The following DRC11 variants were observed in gnomAD, a reference collection of about 807,000 sequenced individuals.
The protein encoded by DRC11 is dynein regulatory complex subunit 11.
the DRC11 span, among the ~76,000 whole-genome samples, chr2:236,394,148 G>A: frequency 1.3e-4 from 20 of 152,254 alleles, 1 homozygote; most frequent in East Asian, 3.1e-3. This position sits in a 1 kb window ranked among gnomAD's most constrained non-coding sequence, Gnocchi z 7.0. Flanking sequence ...CCCTCGAGGG[G>A]AGAGGATAAT....
At chr2:236,506,006 T>G in the DRC11 span, among the ~76,000 whole-genome samples, 3 of 152,208 alleles carry the variant, frequency 2.0e-5, no homozygotes, top group Non-Finnish European at 4.4e-5. The surrounding 1 kb of genome is among the most constrained non-coding windows in gnomAD (Gnocchi z 4.9). Context: ...TCTTTCTATC[T>G]CATCATACCA....
the DRC11 span, among the ~76,000 whole-genome samples, chr2:236,485,199 G>A: frequency 2.0e-5 from 3 of 151,902 alleles, no homozygotes; most frequent in Non-Finnish European, 4.4e-5. Flanking sequence ...GCTAGTGCCT[G>A]TGGTCACTGT....
At chr2:236,475,732 T>G in the DRC11 span, among the ~76,000 whole-genome samples, 1 of 152,162 alleles carries the variant, frequency 6.6e-6, no homozygotes, top group African/African-American at 2.4e-5. The surrounding 1 kb of genome is among the most constrained non-coding windows in gnomAD (Gnocchi z 4.8). Flanking sequence ...ATAATGTACT[T>G]TGATTTGATT....
At chr2:236,346,373 T>C in the DRC11 span, among the ~76,000 whole-genome samples, 1 of 152,184 alleles carries the variant, frequency 6.6e-6, no homozygotes, top group African/African-American at 2.4e-5. Context: ...CAGATAACAA[T>C]GAACCATTGT....
the DRC11 span, chr2:236,377,198 C>T: frequency 1.3e-5 from 21 of 1,565,108 alleles, no homozygotes; most frequent in African/African-American, 2.4e-4. The surrounding 1 kb of genome is among the most constrained non-coding windows in gnomAD (Gnocchi z 4.9). Flanking sequence ...GGGGAGAAAG[C>T]AGAGTGTCTG....
At chr2:236,357,685 A>T in the DRC11 span, among the ~76,000 whole-genome samples, 5 of 87,836 alleles carry the variant, frequency 5.7e-5, no homozygotes, top group African/African-American at 1.6e-4. Flanking sequence ...TATATTTACA[A>T]TATGTAAATA....
chr2:236,384,380 C>T, the DRC11 span, among the ~76,000 whole-genome samples: 2 of 152,194 alleles, frequency 1.3e-5, no homozygotes, highest in Admixed American at 6.5e-5. Context: ...GATGGTATCT[C>T]ATTGTGGTTT....
the DRC11 span, among the ~76,000 whole-genome samples, chr2:236,353,494 T>G: frequency 7.2e-5 from 11 of 152,314 alleles, 1 homozygote; most frequent in South Asian, 2.3e-3. The surrounding 1 kb of genome is among the most constrained non-coding windows in gnomAD (Gnocchi z 5.0). Flanking sequence ...TGTTTCGGCA[T>G]GCATGGGTTA....
chr2:236,455,451 A>G, the DRC11 span, among the ~76,000 whole-genome samples: 1 of 152,214 alleles, frequency 6.6e-6, no homozygotes, highest in Admixed American at 6.5e-5. This position sits in a 1 kb window ranked among gnomAD's most constrained non-coding sequence, Gnocchi z 5.7. Flanking sequence ...AGTCGTGACT[A>G]GTGATGGGAG....
the DRC11 span, among the ~76,000 whole-genome samples, chr2:236,453,644 ATT>A: frequency 6.8e-6 from 1 of 146,252 alleles, no homozygotes; most frequent in Non-Finnish European, 1.5e-5. This position sits in a 1 kb window ranked among gnomAD's most constrained non-coding sequence, Gnocchi z 4.9. Flanking sequence ...ACCAATTTTA[ATT>A]TTTTTTTTTT....
At chr2:236,420,482 G>C in the DRC11 span, among the ~76,000 whole-genome samples, 1 of 152,194 alleles carries the variant, frequency 6.6e-6, no homozygotes, top group Non-Finnish European at 1.5e-5. This position sits in a 1 kb window ranked among gnomAD's most constrained non-coding sequence, Gnocchi z 4.8. Flanking sequence ...TGCCTTTGAA[G>C]ATGGAGCAAT....
chr2:236,401,656 T>G, the DRC11 span, among the ~76,000 whole-genome samples: 1 of 151,690 alleles, frequency 6.6e-6, no homozygotes, highest in African/African-American at 2.4e-5. This position sits in a 1 kb window ranked among gnomAD's most constrained non-coding sequence, Gnocchi z 4.6. Context: ...GCTGAGAGCG[T>G]GAAGTCAGAA....
the DRC11 span, among the ~76,000 whole-genome samples, chr2:236,459,645 GTATA>G: frequency 8.7e-5 from 12 of 138,074 alleles, no homozygotes; most frequent in Admixed American, 1.4e-4. Flanking sequence ...ACGTATATAC[GTATA>G]TATGTATATA....
chr2:236,311,005 C>T, the DRC11 span, among the ~76,000 whole-genome samples: 2 of 152,214 alleles, frequency 1.3e-5, no homozygotes, highest in Admixed American at 1.3e-4. The surrounding 1 kb of genome is among the most constrained non-coding windows in gnomAD (Gnocchi z 6.9). Flanking sequence ...CAAGAGGGAG[C>T]TATCATGCCT....
chr2:236,335,538 G>C, the DRC11 span, among the ~76,000 whole-genome samples: 1 of 152,176 alleles, frequency 6.6e-6, no homozygotes, highest in African/African-American at 2.4e-5. This position sits in a 1 kb window ranked among gnomAD's most constrained non-coding sequence, Gnocchi z 5.6. Flanking sequence ...ATTCAGGTAG[G>C]AATCTGCAGC....
At chr2:236,316,600 TA>T in the DRC11 span, among the ~76,000 whole-genome samples, 1 of 152,050 alleles carries the variant, frequency 6.6e-6, no homozygotes, top group Non-Finnish European at 1.5e-5. The surrounding 1 kb of genome is among the most constrained non-coding windows in gnomAD (Gnocchi z 6.8). Context: ...AATGGAAAAA[TA>T]GACAACCAAC....
At chr2:236,387,931 G>A in the DRC11 span, among the ~76,000 whole-genome samples, 1,528 of 152,038 alleles carry the variant, frequency 0.01, 45 homozygotes, top group East Asian at 0.12. Flanking sequence ...AGCTTAGTTT[G>A]GCTGGATATG....
the DRC11 span, among the ~76,000 whole-genome samples, chr2:236,475,832 T>C: frequency 2.0e-5 from 3 of 152,244 alleles, no homozygotes; most frequent in Non-Finnish European, 4.4e-5. This position sits in a 1 kb window ranked among gnomAD's most constrained non-coding sequence, Gnocchi z 4.8. Flanking sequence ...GAGACTGTCC[T>C]TTCTCCAATG....
the DRC11 span, among the ~76,000 whole-genome samples, chr2:236,358,404 TA>T: frequency 7.1e-6 from 1 of 140,954 alleles, no homozygotes; most frequent in Admixed American, 7.3e-5. Flanking sequence ...ATATCATATA[TA>T]AATATATATG....
Sources: allele counts gnomAD v4.1 joint callset (sites outside exome capture counted in the v4.1 genomes callset), GRCh38; gene constraint gnomAD v4.1.1; non-coding constraint Gnocchi (gnomAD v3.1); transcripts MANE v1.5; gene names NCBI Gene and HGNC (gene_info 2026-07-23, HGNC 2026-07-21).